Variants in SCGN observed in about 807,000 individuals in gnomAD.
The protein encoded by SCGN is secretagogin, EF-hand calcium binding protein.
In SCGN, 30 loss-of-function variants were observed where a neutral mutation model predicts 39.7. The observed-to-expected ratio is 0.76, with a 90% CI of 0.57 to 1.03. SCGN has a LOEUF of 1.03. SCGN is among the 50% of genes least tolerant of loss of function. SCGN has a pLI of 0.00. For synonymous variants in SCGN, 106 were observed against 114.1 expected (o/e 0.93, Z 0.45); for missense variants, 353 against 349.4 (o/e 1.01, Z -0.08).
intron 2 of SCGN, among the ~76,000 whole-genome samples, chr6:25,658,208 T>C (rs1391413504): frequency 6.6e-6 from 1 of 151,184 alleles, no homozygotes; most frequent in Non-Finnish European, 1.5e-5. Flanking sequence ...GATGGCTAAT[T>C]TTTTGTATTT....
intron 10 of SCGN, among the ~76,000 whole-genome samples, chr6:25,700,218 C>A (rs1271074602): frequency 8.4e-6 from 1 of 118,428 alleles, no homozygotes; most frequent in Non-Finnish European, 1.6e-5. Context: ...TGCACTCCAG[C>A]AGGGACGGCT....
intron 7 of SCGN, among the ~76,000 whole-genome samples, chr6:25,684,057 A>G (rs934443133): frequency 3.3e-5 from 5 of 152,160 alleles, no homozygotes; most frequent in Non-Finnish European, 5.9e-5. Flanking sequence ...CCCTAGCCCT[A>G]TGTACAAAAT....
At chr6:25,655,374 T>C (rs957605487) in intron 2 of SCGN, among the ~76,000 whole-genome samples, 1 of 152,218 alleles carries the variant, frequency 6.6e-6, no homozygotes, top group Non-Finnish European at 1.5e-5. Context: ...TATCTTCATC[T>C]GAGATTTTGG....
At position 25,701,393 on chromosome 6, in the gene SCGN, T is replaced by A; in HGVS notation, c.*58T>A. 6.3e-7 allele frequency: 1 copy of A among 1,581,532 alleles called. No individual in the cohort carries two copies. On this transcript the variant is annotated 3_prime_UTR_variant, in exon 11 of 11. Transcript: ENST00000377961. ...GTTTCTGTGATCTTGCTGGTAGAAT[T>A]GTATCTGTGCATTGATGTTGGGAAC...
chr6:25,678,191 T>C (rs973822610), intron 6 of SCGN, among the ~76,000 whole-genome samples: 1 of 152,070 alleles, frequency 6.6e-6, no homozygotes, highest in Non-Finnish European at 1.5e-5. Flanking sequence ...GTATGGAGTA[T>C]GAGTGCGAGT....
intron 10 of SCGN, among the ~76,000 whole-genome samples, chr6:25,692,890 AT>A (rs971922756): frequency 3.3e-5 from 5 of 151,460 alleles, no homozygotes; most frequent in Non-Finnish European, 2.9e-5. Context: ...ACTGATTGGA[AT>A]TTTTTTTTGT....
At chr6:25,673,800 A>G (rs1000803310) in intron 6 of SCGN, among the ~76,000 whole-genome samples, 3 of 152,126 alleles carry the variant, frequency 2.0e-5, no homozygotes, top group Non-Finnish European at 4.4e-5. Flanking sequence ...CTATAAAGAA[A>G]TACCTGTGAC....
At chr6:25,670,274 T>G (rs1253245179) in intron 6 of SCGN, among the ~76,000 whole-genome samples, 198 bp downstream of exon 6, 4 of 152,240 alleles carry the variant, frequency 2.6e-5, no homozygotes, top group Non-Finnish European at 5.9e-5. Flanking sequence ...TGCATCTATT[T>G]GAGAGAGAAA....
intron 2 of SCGN, among the ~76,000 whole-genome samples, chr6:25,659,797 G>A (rs1337667270): frequency 6.7e-6 from 1 of 149,482 alleles, no homozygotes; most frequent in Non-Finnish European, 1.5e-5. Flanking sequence ...CCAGGCTAAA[G>A]TGTTTTAGGA....
At chr6:25,666,356 A>G (rs1267918048) in intron 4 of SCGN, among the ~76,000 whole-genome samples, 1 of 150,422 alleles carries the variant, frequency 6.6e-6, no homozygotes, top group Non-Finnish European at 1.5e-5. Flanking sequence ...ACTCGGTCTC[A>G]AAAAAAAACA....
At chr6:25,679,169 C>T in intron 6 of SCGN, 1 of 153,600 alleles carries the variant, frequency 6.5e-6, no homozygotes. Flanking sequence ...TGTGGGTGCC[C>T]AGTAGAGTCC....
chr6:25,670,303 G>A lies in SCGN; in HGVS notation c.471+227G>A, dbSNP rs147200474. 1.5e-4 allele frequency among the ~76,000 whole-genome samples: 23 copies of A among 152,306 alleles called. No individual in the cohort carries two copies. In the East Asian group the frequency reaches 4.4e-3, roughly 29 times the overall value. The stretch of plus-strand genomic sequence containing the variant: ...AGAGAAAGCTGTTCACCAGTCTGTG[G>A]GGAAACCTGAAAAGTTCAGTCAACA... On this transcript the variant is annotated intron_variant, in intron 6 of 10. Coordinates refer to ENST00000377961, the MANE Select transcript of SCGN (RefSeq NM_006998.4).
At chr6:25,701,158 G>T (rs1237543484) in intron 10 of SCGN, 49 bp from the exon 11 acceptor site, 1 of 1,573,470 alleles carries the variant, frequency 6.4e-7, no homozygotes, top group South Asian at 1.2e-5. Context: ...GTTAAAGGGT[G>T]AGAACACCAT....
At chr6:25,688,587 G>A (rs1300434997) in intron 7 of SCGN, among the ~76,000 whole-genome samples, 1 of 152,088 alleles carries the variant, frequency 6.6e-6, no homozygotes, top group East Asian at 1.9e-4. Context: ...GGATCACGAG[G>A]TCAGGAGATC....
chr6:25,685,111 G>T (rs1759687277), intron 7 of SCGN, among the ~76,000 whole-genome samples: 1 of 152,262 alleles, frequency 6.6e-6, no homozygotes, highest in Admixed American at 6.5e-5. Flanking sequence ...CCTGAAAAAG[G>T]CAAGGGAAAG....
chr6:25,660,449 C>G (rs367726497), intron 2 of SCGN, among the ~76,000 whole-genome samples: 40 of 152,306 alleles, frequency 2.6e-4, no homozygotes, highest in East Asian at 9.6e-4. Flanking sequence ...AGGTGCTTGA[C>G]AGAAAGCAGT....
intron 7 of SCGN, among the ~76,000 whole-genome samples, chr6:25,686,444 G>A (rs1481046467): frequency 6.6e-6 from 1 of 152,080 alleles, no homozygotes; most frequent in Non-Finnish European, 1.5e-5. Context: ...ATGTCATTGT[G>A]ATTTGCATTT....
In SCGN at chr6:25,698,669, T is replaced by A. The variant is rs138638385; in HGVS notation, c.703-2538T>A. Among the ~76,000 whole-genome samples the A allele has an allele frequency of 2.1e-3, 318 of 152,326 alleles. 1 individual carries two copies. In the Middle Eastern group the frequency reaches 0.024, roughly 11 times the overall value. On this transcript the variant is annotated intron_variant, in intron 10 of 10. Transcript: ENST00000377961. ...TTGGGCCACATCTATACTTGCCTGGTACTGGCAGAGAACTACAAGAGAACC... is the reference window on the plus strand; with the variant it reads ...TTGGGCCACATCTATACTTGCCTGGAACTGGCAGAGAACTACAAGAGAACC...
rs1260808705 is a variant in SCGN, at chr6:25,652,426, C to T, written c.23C>T (p.Thr8Ile). The T allele has an allele frequency of 6.2e-7, 1 of 1,614,160 alleles. No individual in the cohort carries two copies. Among genetic ancestry groups the T allele is most frequent in the Non-Finnish European group, 8.5e-7 (1 of 1,180,016 alleles). The stretch of plus-strand genomic sequence containing the variant: ...ACCATGGACAGCTCCCGGGAACCGA[C>T]TCTGGGGCGCTTGGACGCCGCTGGC... MDSSREP[T>I]LGRLDAAGFW... Residue 8 changes from threonine to isoleucine, a missense_variant, in exon 1 of 11, where the codon ACT (threonine) becomes ATT (isoleucine). Transcript: ENST00000377961.
Sources: gnomAD v4.1 joint callset for allele counts (sites outside exome capture counted in the v4.1 genomes callset) on GRCh38, gnomAD v4.1.1 for gene constraint, MANE v1.5 for transcripts, NCBI Gene and HGNC (gene_info 2026-07-23, HGNC 2026-07-21) for gene names.